Variants in SKAP2 observed in about 807,000 individuals in gnomAD.
SKAP2 encodes the protein src kinase-associated phosphoprotein 2.
SKAP2 carries 28 observed loss-of-function variants against 54.9 expected under a neutral mutation model. The observed-to-expected ratio is 0.51, with a 90% CI of 0.38 to 0.70. SKAP2 has a LOEUF of 0.70. SKAP2 is among the 30% of genes least tolerant of loss of function. SKAP2 has a pLI of 0.00. For synonymous variants in SKAP2, 137 were observed against 134.3 expected (o/e 1.02, Z -0.14); for missense variants, 356 against 424.1 (o/e 0.84, Z 1.41).
At chr7:26,764,105 T>C (rs10258868) in intron 4 of SKAP2, among the ~76,000 whole-genome samples, 7,427 of 152,256 alleles carry the variant, frequency 0.049, 616 homozygotes, top group African/African-American at 0.17. Context: ...AGACAAAAGA[T>C]AGCAGTTTGG....
intron 9 of SKAP2, among the ~76,000 whole-genome samples, chr7:26,724,745 T>A (rs1787661244): frequency 6.6e-6 from 1 of 152,150 alleles, no homozygotes; most frequent in Non-Finnish European, 1.5e-5. Flanking sequence ...TTCCTAAATT[T>A]CAGATGTCTT....
intron 10 of SKAP2, among the ~76,000 whole-genome samples, chr7:26,689,094 G>C (rs1449839543): frequency 6.6e-6 from 1 of 152,106 alleles, no homozygotes; most frequent in Non-Finnish European, 1.5e-5. Context: ...TTCCTGTCCA[G>C]GTCTAGAATC....
intron 4 of SKAP2, among the ~76,000 whole-genome samples, chr7:26,775,024 G>A (rs1783273042): frequency 6.6e-6 from 1 of 152,152 alleles, no homozygotes; most frequent in Non-Finnish European, 1.5e-5. Flanking sequence ...CACAGCCATT[G>A]ATTACAAAAT....
At chr7:26,780,124 T>C (rs1355201402) in intron 4 of SKAP2, among the ~76,000 whole-genome samples, 1 of 152,068 alleles carries the variant, frequency 6.6e-6, no homozygotes, top group Non-Finnish European at 1.5e-5. Context: ...CTGACTGACT[T>C]TGGAGAAGTT....
chr7:26,697,181 T>C (rs1786912224), intron 9 of SKAP2, among the ~76,000 whole-genome samples: 1 of 152,202 alleles, frequency 6.6e-6, no homozygotes, highest in Non-Finnish European at 1.5e-5. Context: ...GCTTGCACAC[T>C]GTACCCTTCT....
At chr7:26,716,571 C>G (rs1016071507) in intron 9 of SKAP2, among the ~76,000 whole-genome samples, 2 of 152,172 alleles carry the variant, frequency 1.3e-5, no homozygotes, top group African/African-American at 4.8e-5. Context: ...TTTTAATAGA[C>G]TAAGTTATAT....
intron 10 of SKAP2, among the ~76,000 whole-genome samples, chr7:26,687,133 C>G (rs1786664043): frequency 6.6e-6 from 1 of 150,668 alleles, no homozygotes; most frequent in Admixed American, 6.6e-5. Flanking sequence ...ACACATAATC[C>G]TTATCACTTT....
the SKAP2 span, among the ~76,000 whole-genome samples, chr7:26,658,333 A>T: frequency 6.6e-6 from 1 of 152,198 alleles, no homozygotes; most frequent in Non-Finnish European, 1.5e-5. Flanking sequence ...CACAGGCCTT[A>T]GCTCACTTCC....
At chr7:26,844,659 T>A (rs1262280677) in intron 3 of SKAP2, among the ~76,000 whole-genome samples, 3 of 152,164 alleles carry the variant, frequency 2.0e-5, no homozygotes, top group Admixed American at 2.0e-4. Context: ...ATTTTATACA[T>A]TTTTAGAGAG....
chr7:26,839,890 G>C (rs1471125829), intron 4 of SKAP2, among the ~76,000 whole-genome samples: 2 of 151,886 alleles, frequency 1.3e-5, no homozygotes, highest in Non-Finnish European at 2.9e-5. Context: ...AGGCATCCTG[G>C]AGACAATCTC....
chr7:26,722,370 A>T (rs889320654), intron 9 of SKAP2, among the ~76,000 whole-genome samples: 1 of 149,098 alleles, frequency 6.7e-6, no homozygotes, highest in African/African-American at 2.5e-5. Context: ...TTTTCAAGGG[A>T]TATTATGCAA....
intron 4 of SKAP2, among the ~76,000 whole-genome samples, chr7:26,806,530 A>C (rs1784027438): frequency 6.6e-6 from 1 of 152,212 alleles, no homozygotes; most frequent in Non-Finnish European, 1.5e-5. Flanking sequence ...CAAACAAACA[A>C]AGCTAGAAAT....
chr7:26,754,130 G>A (rs1315161959), intron 4 of SKAP2, among the ~76,000 whole-genome samples: 1 of 152,094 alleles, frequency 6.6e-6, no homozygotes, highest in East Asian at 1.9e-4. Context: ...TTGGGAGGCT[G>A]AGGCGAGTGG....
intron 11 of SKAP2, among the ~76,000 whole-genome samples, chr7:26,676,598 T>G (rs1786354423): frequency 6.6e-6 from 1 of 152,206 alleles, no homozygotes. Context: ...TAAGTTCTTT[T>G]AAGAAGTCAG....
chr7:26,688,332 GA>G (rs1257801729), intron 10 of SKAP2, among the ~76,000 whole-genome samples: 4 of 152,124 alleles, frequency 2.6e-5, no homozygotes, highest in Non-Finnish European at 5.9e-5. Flanking sequence ...GTTTGAACAT[GA>G]AGGAACTTGT....
intron 10 of SKAP2, among the ~76,000 whole-genome samples, chr7:26,687,176 A>G (rs1233166860): frequency 6.7e-6 from 1 of 150,086 alleles, no homozygotes; most frequent in Non-Finnish European, 1.5e-5. Context: ...CGCTTGCTGA[A>G]ACTCCCATTA....
At chr7:26,676,395 G>A (rs953349304) in intron 11 of SKAP2, among the ~76,000 whole-genome samples, 2 of 152,120 alleles carry the variant, frequency 1.3e-5, no homozygotes, top group African/African-American at 4.8e-5. Flanking sequence ...TGGTTTGGCT[G>A]CCAAGAAGTT....
intron 3 of SKAP2, among the ~76,000 whole-genome samples, chr7:26,853,224 G>T (rs2127998304): frequency 6.6e-6 from 1 of 152,152 alleles, no homozygotes; most frequent in South Asian, 2.1e-4. Context: ...CTTACCAGTT[G>T]GCACAAATAT....
intron 4 of SKAP2, among the ~76,000 whole-genome samples, chr7:26,828,208 A>G (rs1450755994): frequency 1.3e-5 from 2 of 152,226 alleles, no homozygotes; most frequent in African/African-American, 4.8e-5. Context: ...GAAAACTGAT[A>G]TGAAAGAAGA....
Sources: allele counts gnomAD v4.1 joint callset (sites outside exome capture counted in the v4.1 genomes callset), GRCh38; gene constraint gnomAD v4.1.1; transcripts MANE v1.5; gene names NCBI Gene and HGNC (gene_info 2026-07-23, HGNC 2026-07-21).